The following ERN1 variants were observed in gnomAD, a reference collection of about 807,000 sequenced individuals.
ERN1 encodes serine/threonine-protein kinase/endoribonuclease IRE1.
Under a neutral mutation model 113.1 loss-of-function variants are expected in ERN1, and 39 were observed. The ratio of observed to expected loss-of-function variants is 0.34; its 90% confidence interval spans 0.27 to 0.45. The LOEUF (loss-of-function observed/expected upper bound fraction) is 0.45. ERN1 is among the 20% of genes least tolerant of loss of function. ERN1 has a pLI of 1.00. For synonymous variants in ERN1, 507 were observed against 515.9 expected (o/e 0.98, Z 0.23); for missense variants, 976 against 1,274.8 (o/e 0.77, Z 3.57).
intron 1 of ERN1, among the ~76,000 whole-genome samples, chr17:64,127,053 A>G (rs1170652485): frequency 6.6e-6 from 1 of 152,214 alleles, no homozygotes; most frequent in Non-Finnish European, 1.5e-5. Flanking sequence ...GGAGCAAGAT[A>G]TAGGTCTAGG....
rs143007979 is a variant in ERN1, at chr17:64,043,650, A to G, written c.*338T>C. 25 of 211,868 alleles carry G rather than the reference A, an allele frequency of 1.2e-4. No individual in the cohort carries two copies. The highest frequency in any genetic ancestry group is 5.2e-4 in the African/African-American group (23 of 43,888). 13.1% of individuals were successfully genotyped at this position (211,868 alleles called of 1,614,324 possible). The stretch of plus-strand genomic sequence containing the variant: ...CTCTCCCTTCCTGAAAGGCCTGTAG[A>G]CTGACATTAAGCAGGAATTTAAAAA... On this transcript the variant is annotated 3_prime_UTR_variant, in exon 22 of 22. Coordinates refer to ENST00000433197, the MANE Select transcript of ERN1 (RefSeq NM_001433.5).
At chr17:64,067,221 C>T (rs115705775) in intron 7 of ERN1, among the ~76,000 whole-genome samples, 2,816 of 152,120 alleles carry the variant, frequency 0.019, 79 homozygotes, top group African/African-American at 0.064. Context: ...AGAGTAAATA[C>T]TGAGGAGGAA....
At chr17:64,056,077 A>T (rs1912859703) in intron 12 of ERN1, 129 bp from the exon 13 acceptor site, 1 of 1,391,196 alleles carries the variant, frequency 7.2e-7, no homozygotes, top group African/African-American at 1.5e-5. Context: ...GCACAAAGAG[A>T]CCAGTGAGAA....
rs147389311 is a variant in ERN1 at position 64,070,363 on chromosome 17, A to G, written c.478+1618T>C. On this transcript the variant is annotated intron_variant, in intron 6 of 21. Transcript: ENST00000433197. ...AATAGATAATGGAGGCAATGGATTT[A>G]CACACCTATGCACACACATTCCACC... 1.6e-3 allele frequency among the ~76,000 whole-genome samples: 247 copies of G among 152,306 alleles called. 1 individual carries two copies. Among genetic ancestry groups the G allele is most frequent in the African/African-American group, 5.8e-3 (241 of 41,554 alleles).
Position 64,075,120 on chromosome 17 carries a change from A to G in ERN1, c.355+55T>C, listed in dbSNP as rs909208250. The G allele has an allele frequency of 2.3e-5, 32 of 1,411,644 alleles. No homozygotes were observed. In the South Asian group the frequency reaches 2.7e-4, roughly 12 times the overall value. The allele number at this position is 1,411,644 out of a possible 1,614,324, so 87.4% of individuals were successfully genotyped here. A position where few individuals can be genotyped will look rare whatever the true frequency, so the allele number is the denominator to read the frequency against. On this transcript the variant is annotated intron_variant, in intron 5 of 21. Coordinates refer to ENST00000433197, the MANE Select transcript of ERN1 (RefSeq NM_001433.5). The stretch of plus-strand genomic sequence containing the variant: ...CTCTCTCTCCGCATGCCACTTTCCC[A>G]GATTCCGGGACTTACATCAAAGAGA...
At chr17:64,080,577 T>G (rs1913735857) in intron 3 of ERN1, 198 bp downstream of exon 3, 1 of 540,514 alleles carries the variant, frequency 1.9e-6, no homozygotes, top group South Asian at 2.4e-5. Flanking sequence ...TTAAAACCAC[T>G]ACCCTTCTCC....
chr17:64,106,715 T>TACACAC (rs58544303), intron 1 of ERN1, among the ~76,000 whole-genome samples: 17,219 of 103,190 alleles, frequency 0.17, 2,032 homozygotes, highest in East Asian at 0.37. Flanking sequence ...CAGGGTTTCT[T>TACACAC]ACACACACAC....
intron 2 of ERN1, among the ~76,000 whole-genome samples, chr17:64,091,986 T>C (rs900732397): frequency 1.3e-5 from 2 of 152,078 alleles, no homozygotes; most frequent in Non-Finnish European, 2.9e-5. Flanking sequence ...ACGCCACCAC[T>C]ATAGACAACA....
intron 1 of ERN1, among the ~76,000 whole-genome samples, chr17:64,120,698 A>G (rs914165949): frequency 2.0e-5 from 3 of 152,158 alleles, no homozygotes; most frequent in Non-Finnish European, 4.4e-5. Context: ...TAATCTCATT[A>G]CTGATAAGAA....
chr17:64,086,782 G>A (rs780984470), intron 2 of ERN1, among the ~76,000 whole-genome samples: 4 of 151,580 alleles, frequency 2.6e-5, no homozygotes, highest in Non-Finnish European at 5.9e-5. Context: ...GAGTAGCTGG[G>A]ACTACAGGCG....
chr17:64,102,491 C>T (rs984789386), intron 1 of ERN1, among the ~76,000 whole-genome samples: 2 of 152,170 alleles, frequency 1.3e-5, no homozygotes, highest in Non-Finnish European at 2.9e-5. Flanking sequence ...GGGAGCCACT[C>T]GGAACAGTGT....
At chr17:64,104,060 G>A (rs1044699240) in intron 1 of ERN1, among the ~76,000 whole-genome samples, 1 of 151,228 alleles carries the variant, frequency 6.6e-6, no homozygotes, top group African/African-American at 2.4e-5. Flanking sequence ...GCAATATAGG[G>A]AGACCCCATC....
chr17:64,065,385 C>A (rs1598054881), intron 8 of ERN1, 98 bp from the exon 9 acceptor site: 2 of 812,034 alleles, frequency 2.5e-6, no homozygotes, highest in Non-Finnish European at 2.0e-6. Context: ...GCAGGGATGA[C>A]CACATTAACC....
At chr17:64,104,801 A>C (rs987631466) in intron 1 of ERN1, among the ~76,000 whole-genome samples, 1 of 151,902 alleles carries the variant, frequency 6.6e-6, no homozygotes, top group Non-Finnish European at 1.5e-5. Flanking sequence ...CCTGGGTGAC[A>C]GAGAGAGACT....
chr17:64,125,990 T>C (rs1197891673), intron 1 of ERN1, among the ~76,000 whole-genome samples: 2 of 152,118 alleles, frequency 1.3e-5, no homozygotes, highest in Admixed American at 6.5e-5. Flanking sequence ...TTATAAGATA[T>C]TGATAGAAAG....
rs1598039403 is a variant in ERN1 at position 64,041,575 on chromosome 17, T to A, written c.*2413A>T. 6.6e-6 allele frequency: 1 copy of A among 151,820 alleles called. No homozygotes were observed. Among genetic ancestry groups the A allele is most frequent in the East Asian group, 1.9e-4 (1 of 5,176 alleles). The allele number at this position is 151,820 out of a possible 1,614,324, so 9.4% of individuals were successfully genotyped here. A position where few individuals can be genotyped will look rare whatever the true frequency, so the allele number is the denominator to read the frequency against. On this transcript the variant is annotated 3_prime_UTR_variant, in exon 22 of 22. Coordinates refer to ENST00000433197, the MANE Select transcript of ERN1 (RefSeq NM_001433.5). ...CTCTTCAAACAAACCCCCCAGAGGA[T>A]GGACGGGAACCAGGGCTCCTAAAGG...
At chr17:64,078,029 A>G (rs1416071038) in intron 4 of ERN1, among the ~76,000 whole-genome samples, 1 of 152,120 alleles carries the variant, frequency 6.6e-6, no homozygotes, top group Non-Finnish European at 1.5e-5. Flanking sequence ...CACCGCACCC[A>G]GCCACAAATG....
At chr17:64,057,781 A>G (rs1417289460) in intron 12 of ERN1, 21 bp downstream of exon 12, 6 of 1,610,658 alleles carry the variant, frequency 3.7e-6, no homozygotes, top group East Asian at 2.2e-5. Flanking sequence ...TGGATGGCAA[A>G]GGGGAATTGT....
intron 10 of ERN1, 22 bp from the exon 11 acceptor site, chr17:64,060,609 T>G (rs1913024037): frequency 1.3e-6 from 2 of 1,558,514 alleles, no homozygotes; most frequent in African/African-American, 1.4e-5. Flanking sequence ...AACAAAACCT[T>G]TAGTGAGAAC....
Sources: allele counts gnomAD v4.1 joint callset (sites outside exome capture counted in the v4.1 genomes callset), GRCh38; gene constraint gnomAD v4.1.1; transcripts MANE v1.5; gene names NCBI Gene and HGNC (gene_info 2026-07-23, HGNC 2026-07-21).